The following PCDH9 variants were observed in gnomAD, a reference collection of about 807,000 sequenced individuals.
PCDH9 encodes protocadherin 9.
A neutral mutation model predicts 70.6 loss-of-function variants in PCDH9; 24 were observed. The observed-to-expected ratio is 0.34, with a 90% CI of 0.25 to 0.48. The LOEUF (loss-of-function observed/expected upper bound fraction) is 0.48. Ranked by LOEUF, PCDH9 falls within the 20% of genes least tolerant of loss-of-function variation. The pLI, the probability that PCDH9 is intolerant of heterozygous loss-of-function variation, is 0.99. For missense variants in PCDH9, 1,281 were observed against 1,503.6 expected (o/e 0.85, Z 2.45); for synonymous variants, 562 against 558.5 (o/e 1.01, Z -0.09).
rs758928616 is a variant in PCDH9, at chr13:66,730,876, G to GTTTTTTTTTTTTTTTTTTTTTTTT, written c.3139-99466_3139-99465insAAAAAAAAAAAAAAAAAAAAAAAA. On this transcript the variant is annotated intron_variant, in intron 3 of 4. Transcript: ENST00000377865. ...TGTTTTTGTTTTTTTGTGTGTGTGTGTTTTTTTTTTGTTTGTTTCTTTTTT... is the reference window on the plus strand; with the variant it reads ...TGTTTTTGTTTTTTTGTGTGTGTGTGTTTTTTTTTTTTTTTTTTTTTTTTTTTTTTTTTTGTTTGTTTCTTTTTT... 6.5e-5 allele frequency among the ~76,000 whole-genome samples: 3 copies of GTTTTTTTTTTTTTTTTTTTTTTTT among 46,358 alleles called. 1 individual carries two copies. The highest frequency in any genetic ancestry group is 2.3e-4 in the African/African-American group (3 of 13,258). The allele number at this position is 46,358 out of a possible 152,430, so 30.4% of individuals were successfully genotyped here.
chr13:66,340,900 T>G (rs1378728774), intron 4 of PCDH9, among the ~76,000 whole-genome samples: 1 of 152,168 alleles, frequency 6.6e-6, no homozygotes, highest in African/African-American at 2.4e-5. Flanking sequence ...CAAATCTCAA[T>G]TCTCTGTAGG....
intron 3 of PCDH9, among the ~76,000 whole-genome samples, chr13:66,865,711 C>T (rs1173780917): frequency 6.6e-6 from 1 of 152,168 alleles, no homozygotes; most frequent in African/African-American, 2.4e-5. Flanking sequence ...TCGCACTGTC[C>T]TATGGTAAAG....
At chr13:66,722,273 G>T (rs1325053586) in intron 3 of PCDH9, among the ~76,000 whole-genome samples, 2 of 152,108 alleles carry the variant, frequency 1.3e-5, no homozygotes, top group African/African-American at 4.8e-5. Context: ...ATAATTGTAT[G>T]GTTAGAACAT....
intron 3 of PCDH9, among the ~76,000 whole-genome samples, chr13:66,688,208 C>A (rs575247745): frequency 6.6e-5 from 10 of 152,238 alleles, no homozygotes; most frequent in African/African-American, 2.4e-4. Context: ...CAATGGATTT[C>A]ATCTAATCAT....
At chr13:67,125,262 T>C (rs1460432759) in intron 2 of PCDH9, among the ~76,000 whole-genome samples, 1 of 152,204 alleles carries the variant, frequency 6.6e-6, no homozygotes, top group Non-Finnish European at 1.5e-5. Flanking sequence ...TGGTGTCATA[T>C]GTTGTATCTC....
Position 67,227,813 on chromosome 13 carries a change from A to C in PCDH9, c.628T>G (p.Leu210Val). Reference sequence around the variant, plus strand: ...TAGGTATCTTTCTGTTCTCTATCCAAGTTTTGCTGAACAATCAGTTGTGGC... The same window carrying C: ...TAGGTATCTTTCTGTTCTCTATCCACGTTTTGCTGAACAATCAGTTGTGGC... Reference protein sequence around the residue: ...KWPQLIVQQNLDREQKDTYVM... With the variant: ...KWPQLIVQQNVDREQKDTYVM... Residue 210 changes from leucine (L) to valine (V), a missense_variant, in exon 2 of 5, where the codon TTG becomes GTG. This residue lies in a region of PCDH9 where 798 missense variants were observed against 1,003.1 expected (regional missense o/e 0.80). Coordinates refer to ENST00000377865, the MANE Select transcript of PCDH9 (RefSeq NM_203487.3). This position sits in a 1 kb window ranked among gnomAD's most constrained non-coding sequence, Gnocchi z 4.6. The C allele has an allele frequency of 6.2e-7, 1 of 1,614,016 alleles. No individual in the cohort carries two copies. The highest frequency in any genetic ancestry group is 1.1e-5 in the South Asian group (1 of 91,068).
At chr13:66,631,773 T>C (rs1042959561) in intron 3 of PCDH9, among the ~76,000 whole-genome samples, 5 of 152,230 alleles carry the variant, frequency 3.3e-5, no homozygotes, top group African/African-American at 1.2e-4. Context: ...TAAATCTAAA[T>C]AAATACTTAG....
At chr13:66,769,487 T>A (rs995378666) in intron 3 of PCDH9, among the ~76,000 whole-genome samples, 7 of 152,062 alleles carry the variant, frequency 4.6e-5, no homozygotes, top group Admixed American at 4.6e-4. Context: ...ACATGGTTTT[T>A]TTTTTTTCAG....
chr13:66,763,170 A>G (rs1401693162), intron 3 of PCDH9, among the ~76,000 whole-genome samples: 3 of 151,864 alleles, frequency 2.0e-5, no homozygotes, highest in East Asian at 1.9e-4. Flanking sequence ...TTACAAATAT[A>G]TATATGAATT....
chr13:66,428,178 T>A (rs1419555253), intron 4 of PCDH9, among the ~76,000 whole-genome samples: 3 of 151,682 alleles, frequency 2.0e-5, no homozygotes, highest in African/African-American at 7.3e-5. Context: ...GCAAATCAGT[T>A]TTCTATAAAT....
chr13:66,932,675 T>C (rs2082833521), intron 2 of PCDH9, among the ~76,000 whole-genome samples: 1 of 144,398 alleles, frequency 6.9e-6, no homozygotes. Context: ...TATATATATA[T>C]ATATATACAC....
At chr13:66,722,727 G>C (rs2078957350) in intron 3 of PCDH9, among the ~76,000 whole-genome samples, 1 of 152,066 alleles carries the variant, frequency 6.6e-6, no homozygotes, top group African/African-American at 2.4e-5. Context: ...CAGCACTTTG[G>C]GAGGCAGAGG....
chr13:66,487,096 T>G (rs1379625894), intron 4 of PCDH9, among the ~76,000 whole-genome samples: 1 of 152,218 alleles, frequency 6.6e-6, no homozygotes, highest in Non-Finnish European at 1.5e-5. Flanking sequence ...ACGATCTCTT[T>G]GATAGTAATA....
intron 2 of PCDH9, among the ~76,000 whole-genome samples, chr13:66,948,830 T>G (rs1203697181): frequency 6.6e-6 from 1 of 152,130 alleles, no homozygotes; most frequent in Admixed American, 6.6e-5. Context: ...GAAAGCCTCC[T>G]TAAATTGTTT....
intron 4 of PCDH9, among the ~76,000 whole-genome samples, chr13:66,378,345 G>T (rs1276868729): frequency 6.6e-6 from 1 of 151,926 alleles, no homozygotes; most frequent in Non-Finnish European, 1.5e-5. Context: ...CTTAACTGGA[G>T]ATGGGTAAGT....
rs150616039 is a variant in PCDH9 at position 66,519,801 on chromosome 13, C to T, written c.3340+111409G>A. Among the ~76,000 whole-genome samples the T allele has an allele frequency of 7.8e-3, 1,184 of 152,184 alleles. 4 individuals are homozygous for T. Among genetic ancestry groups the T allele is most frequent in the Non-Finnish European group, 0.012 (804 of 68,002 alleles). ...TGATTTTGCAGACCGAAGCAGCTCT[C>T]GGCCATTGGAAAATATTGTGAGCCA... is the stretch of plus-strand genomic sequence containing the variant. On this transcript the variant is annotated intron_variant, in intron 4 of 4. Transcript: ENST00000377865.
At chr13:66,894,304 T>C (rs892206361) in intron 3 of PCDH9, among the ~76,000 whole-genome samples, 3 of 151,966 alleles carry the variant, frequency 2.0e-5, no homozygotes, top group Non-Finnish European at 2.9e-5. Context: ...AAAAAAAAAA[T>C]TCAAATAATT....
intron 3 of PCDH9, among the ~76,000 whole-genome samples, chr13:66,660,887 A>G (rs575631070): frequency 1.3e-5 from 2 of 152,052 alleles, no homozygotes; most frequent in East Asian, 3.9e-4. Context: ...AATATTTTAT[A>G]TTTTAGTGAT....
intron 4 of PCDH9, among the ~76,000 whole-genome samples, chr13:66,593,660 T>C (rs1053495202): frequency 1.3e-5 from 2 of 151,874 alleles, no homozygotes; most frequent in South Asian, 4.1e-4. Flanking sequence ...CATTAGTTAA[T>C]AGTCTAATTA....
Sources: gnomAD v4.1 joint callset for allele counts (sites outside exome capture counted in the v4.1 genomes callset) on GRCh38, gnomAD v4.1.1 for gene constraint, gnomAD v4.1.1 regional missense constraint, Gnocchi (gnomAD v3.1) non-coding constraint, MANE v1.5 for transcripts, NCBI Gene and HGNC (gene_info 2026-07-23, HGNC 2026-07-21) for gene names.